Variants in CLVS1 observed in about 807,000 individuals in gnomAD.
The protein encoded by CLVS1 is clavesin-1.
Under a neutral mutation model 33.1 loss-of-function variants are expected in CLVS1, and 10 were observed. That is an observed-to-expected ratio of 0.30 (90% CI 0.19 to 0.51). The LOEUF is 0.51. Among genes scored for constraint, CLVS1 ranks in the 20% least tolerant of loss-of-function variants. The probability of loss-of-function intolerance (pLI) is 0.97; values close to 1 mark genes in which losing one functional copy is unlikely to be tolerated. For synonymous variants in CLVS1, 163 were observed against 166.1 expected, an observed-to-expected ratio of 0.98 and a Z score of 0.14; for missense variants, 343 against 433.4, an observed-to-expected ratio of 0.79 and a Z score of 1.85.
chr8:61,497,331 A>G (rs1804300310), intron 5 of CLVS1, among the ~76,000 whole-genome samples: 1 of 152,082 alleles, frequency 6.6e-6, no homozygotes, highest in Non-Finnish European at 1.5e-5. Flanking sequence ...TTGTCCTTCC[A>G]GTAAAATCAC....
At chr8:61,129,126 C>T (rs566779279) in intron 1 of CLVS1, among the ~76,000 whole-genome samples, 26 of 152,236 alleles carry the variant, frequency 1.7e-4, no homozygotes, top group Non-Finnish European at 3.2e-4. Context: ...TTGCAAGGTA[C>T]ACCACAGTCG....
chr8:61,186,759 G>A (rs1482993125), intron 2 of CLVS1, among the ~76,000 whole-genome samples: 3 of 152,196 alleles, frequency 2.0e-5, no homozygotes, highest in African/African-American at 7.2e-5. Context: ...AACCTTGAGA[G>A]TCTAGCAATT....
chr8:61,331,236 T>C (rs888923146), intron 2 of CLVS1, among the ~76,000 whole-genome samples: 2 of 152,188 alleles, frequency 1.3e-5, no homozygotes. Flanking sequence ...ATTTTAATCC[T>C]TGGTCCTTCA....
At chr8:61,486,665 G>C (rs995990848) in intron 5 of CLVS1, among the ~76,000 whole-genome samples, 1 of 152,108 alleles carries the variant, frequency 6.6e-6, no homozygotes, top group African/African-American at 2.4e-5. Flanking sequence ...TCTTGCTCCA[G>C]GTGAAAGAAT....
intron 2 of CLVS1, among the ~76,000 whole-genome samples, chr8:61,186,895 A>G (rs1232431959): frequency 1.3e-5 from 2 of 152,150 alleles, no homozygotes; most frequent in African/African-American, 4.8e-5. Flanking sequence ...AAATTGTAGC[A>G]CCTTCCCTGA....
At chr8:61,326,807 C>T (rs1048075409) in intron 2 of CLVS1, among the ~76,000 whole-genome samples, 5 of 152,010 alleles carry the variant, frequency 3.3e-5, no homozygotes, top group Non-Finnish European at 5.9e-5. Flanking sequence ...TCAATAATTC[C>T]AAATCTGATG....
intron 2 of CLVS1, among the ~76,000 whole-genome samples, chr8:61,336,017 G>A (rs977043283): frequency 6.6e-6 from 1 of 152,058 alleles, no homozygotes; most frequent in Admixed American, 6.5e-5. Context: ...GCTGCCTGAG[G>A]GTAAAGGCAC....
chr8:61,418,774 C>A (rs552535859), intron 3 of CLVS1, among the ~76,000 whole-genome samples: 1 of 152,336 alleles, frequency 6.6e-6, no homozygotes, highest in East Asian at 1.9e-4. Flanking sequence ...CTCTCCCTAA[C>A]ATCAACAAGA....
intron 1 of CLVS1, among the ~76,000 whole-genome samples, chr8:61,085,793 G>T (rs1805110551): frequency 6.6e-6 from 1 of 151,304 alleles, no homozygotes; most frequent in African/African-American, 2.4e-5. Context: ...GGAGGCCGAG[G>T]CGGGCGGATC....
intron 2 of CLVS1, among the ~76,000 whole-genome samples, chr8:61,256,658 T>A (rs202119981): frequency 1.3e-5 from 2 of 150,456 alleles, no homozygotes; most frequent in Non-Finnish European, 3.0e-5. Context: ...AAAAAAAAAA[T>A]ATTATTTTAA....
intron 1 of CLVS1, among the ~76,000 whole-genome samples, chr8:61,125,831 T>C (rs1805958832): frequency 6.6e-6 from 1 of 152,170 alleles, no homozygotes; most frequent in Admixed American, 6.5e-5. Context: ...CAAAATGAAA[T>C]ACAATGACAC....
chr8:61,120,942 C>T (rs1434573338), intron 1 of CLVS1, among the ~76,000 whole-genome samples: 2 of 148,200 alleles, frequency 1.3e-5, no homozygotes. Context: ...CTAAGCAAGC[C>T]TGGGCAATGG....
chr8:61,035,556 A>G, the CLVS1 span, among the ~76,000 whole-genome samples: 1 of 152,112 alleles, frequency 6.6e-6, no homozygotes, highest in Admixed American at 6.5e-5. Flanking sequence ...GCTGGTCTGC[A>G]TTGTCCGGGC....
chr8:61,490,656 C>CAAA (rs11455386), intron 5 of CLVS1, among the ~76,000 whole-genome samples: 7 of 113,066 alleles, frequency 6.2e-5, no homozygotes, highest in Admixed American at 9.4e-5. Flanking sequence ...AGATCCGTCT[C>CAAA]AAAAAAAAAA....
At chr8:61,326,363 T>C (rs1030107059) in intron 2 of CLVS1, among the ~76,000 whole-genome samples, 1 of 152,184 alleles carries the variant, frequency 6.6e-6, no homozygotes, top group Non-Finnish European at 1.5e-5. Context: ...AGTCAGCTGT[T>C]AGTTGAGCTT....
intron 2 of CLVS1, among the ~76,000 whole-genome samples, chr8:61,134,293 G>C (rs1252882679): frequency 6.6e-6 from 1 of 152,224 alleles, no homozygotes; most frequent in Non-Finnish European, 1.5e-5. Flanking sequence ...CCAATTGCCA[G>C]GTGCGCCTCG....
intron 2 of CLVS1, among the ~76,000 whole-genome samples, chr8:61,140,288 T>C (rs566529899): frequency 2.0e-5 from 3 of 152,324 alleles, no homozygotes; most frequent in Admixed American, 2.0e-4. Flanking sequence ...CTCTGGATGG[T>C]TACCCTCAAA....
At chr8:61,221,228 G>T (rs61431803) in intron 2 of CLVS1, among the ~76,000 whole-genome samples, 25 of 152,312 alleles carry the variant, frequency 1.6e-4, no homozygotes, top group South Asian at 8.3e-4. Flanking sequence ...ATGTTGAACA[G>T]GAGTGGTGAA....
chr8:60,978,138 G>C, the CLVS1 span, among the ~76,000 whole-genome samples: 1 of 152,188 alleles, frequency 6.6e-6, no homozygotes, highest in Non-Finnish European at 1.5e-5. Flanking sequence ...GCCTGGTACA[G>C]AAATGTTAAA....
Sources: allele counts gnomAD v4.1 joint callset (sites outside exome capture counted in the v4.1 genomes callset), GRCh38; gene constraint gnomAD v4.1.1; transcripts MANE v1.5; gene names NCBI Gene and HGNC (gene_info 2026-07-23, HGNC 2026-07-21).